The following GABBR2 variants were observed in gnomAD, a reference collection of about 807,000 sequenced individuals.
GABBR2 encodes the protein gamma-aminobutyric acid type B receptor subunit 2.
In GABBR2, 23 loss-of-function variants were observed where a neutral mutation model predicts 105.6. That is an observed-to-expected ratio of 0.22 (90% confidence interval 0.16 to 0.31). The LOEUF is 0.31. Ranked by LOEUF, GABBR2 falls within the 10% of genes least tolerant of loss-of-function variation. The probability of loss-of-function intolerance (pLI) is 1.00; values close to 1 mark genes in which losing one functional copy is unlikely to be tolerated. For synonymous variants in GABBR2, 478 were observed against 499.7 expected, an observed-to-expected ratio of 0.96 and a Z score of 0.58; for missense variants, 734 against 1,245.5, an observed-to-expected ratio of 0.59 and a Z score of 6.18.
chr9:98,696,729 A>T (rs912974697), intron 1 of GABBR2, among the ~76,000 whole-genome samples: 11 of 152,198 alleles, frequency 7.2e-5, no homozygotes, highest in Non-Finnish European at 1.5e-5. Context: ...CAGGAGACAC[A>T]CTCAGACATA....
At chr9:98,545,886 C>T (rs186911000) in intron 2 of GABBR2, among the ~76,000 whole-genome samples, 17 of 152,266 alleles carry the variant, frequency 1.1e-4, no homozygotes, top group Admixed American at 1.1e-3. Context: ...ATCACCAGGG[C>T]TGTTAGCATT....
chr9:98,566,411 C>T (rs926416724), intron 2 of GABBR2, among the ~76,000 whole-genome samples: 5 of 152,110 alleles, frequency 3.3e-5, no homozygotes, highest in Admixed American at 3.3e-4. Flanking sequence ...TGCAGTGGCC[C>T]ACACCTGTAA....
At chr9:98,605,364 G>A (rs1253200082) in intron 1 of GABBR2, among the ~76,000 whole-genome samples, 1 of 152,234 alleles carries the variant, frequency 6.6e-6, no homozygotes, top group Non-Finnish European at 1.5e-5. Context: ...CCATTCCCCA[G>A]GACGGTACTG....
chr9:98,571,341 C>A (rs981798075), intron 2 of GABBR2, among the ~76,000 whole-genome samples: 2 of 152,134 alleles, frequency 1.3e-5, no homozygotes, highest in African/African-American at 4.8e-5. Flanking sequence ...TGGCAGCATC[C>A]CCCTGTGACC....
At chr9:98,410,500 A>T (rs530249740) in intron 7 of GABBR2, among the ~76,000 whole-genome samples, 107 of 143,440 alleles carry the variant, frequency 7.5e-4, no homozygotes, top group Middle Eastern at 3.6e-3. Flanking sequence ...TGCATGAGGG[A>T]AAAGCTTTTT....
chr9:98,686,354 C>G (rs1278104711), intron 1 of GABBR2, among the ~76,000 whole-genome samples: 1 of 151,416 alleles, frequency 6.6e-6, no homozygotes, highest in Non-Finnish European at 1.5e-5. Context: ...ACTGGGGTCT[C>G]TTTTCCTCTA....
intron 1 of GABBR2, among the ~76,000 whole-genome samples, chr9:98,601,737 G>A (rs1829340076): frequency 6.6e-6 from 1 of 152,184 alleles, no homozygotes; most frequent in Non-Finnish European, 1.5e-5. Flanking sequence ...TTGAAGCTCT[G>A]TTAAGGCCAG....
At chr9:98,683,869 G>A (rs2095080) in intron 1 of GABBR2, among the ~76,000 whole-genome samples, 139,844 of 151,434 alleles carry the variant, frequency 0.92, 64,727 homozygotes, top group Middle Eastern at 0.97. Context: ...TTAGCCGGGC[G>A]TGGTGGCGGG....
Position 98,693,803 on chromosome 9 carries a change from T to C in GABBR2, c.321+14614A>G, listed in dbSNP as rs537413173. Among the ~76,000 whole-genome samples, 5 of 152,384 alleles carry C rather than the reference T, an allele frequency of 3.3e-5. No homozygotes were observed. The East Asian group carries it at 9.6e-4, about 29-fold the overall frequency. On this transcript the variant is annotated intron_variant, in intron 1 of 18. Transcript: ENST00000259455. ...ACATAGTAGGGATTCAATAAGGACC[T>C]GTCCCTGTCATTTTGTTTTCTCCAT...
chr9:98,686,837 T>C (rs762203474), intron 1 of GABBR2, among the ~76,000 whole-genome samples: 1 of 152,110 alleles, frequency 6.6e-6, no homozygotes, highest in Non-Finnish European at 1.5e-5. Context: ...GCTTCCTCCC[T>C]GTCACCCCCA....
intron 1 of GABBR2, among the ~76,000 whole-genome samples, chr9:98,653,081 C>T (rs1830132015): frequency 6.6e-6 from 1 of 152,238 alleles, no homozygotes; most frequent in South Asian, 2.1e-4. Context: ...ACTGCAGCCT[C>T]GAACTCCTGG....
At chr9:98,540,688 C>A (rs912655387) in intron 3 of GABBR2, among the ~76,000 whole-genome samples, 1 of 152,232 alleles carries the variant, frequency 6.6e-6, no homozygotes, top group Non-Finnish European at 1.5e-5. Context: ...ACATGGAAAT[C>A]CTCCACACGG....
chr9:98,478,936 T>C (rs1465304984), intron 5 of GABBR2, among the ~76,000 whole-genome samples: 2 of 152,188 alleles, frequency 1.3e-5, no homozygotes, highest in Non-Finnish European at 2.9e-5. Context: ...GCCCTGGGGA[T>C]ACTGGAGAGG....
chr9:98,435,916 C>A (rs1004102552), intron 7 of GABBR2, among the ~76,000 whole-genome samples: 1 of 152,018 alleles, frequency 6.6e-6, no homozygotes, highest in African/African-American at 2.4e-5. Context: ...ATGGGCACCC[C>A]TGTAACTTTC....
chr9:98,558,389 G>A (rs144694230), intron 2 of GABBR2, among the ~76,000 whole-genome samples: 1 of 152,338 alleles, frequency 6.6e-6, no homozygotes, highest in Non-Finnish European at 1.5e-5. Flanking sequence ...TGAAGAATGA[G>A]CATTTAGTGA....
At chr9:98,519,328 G>T (rs1224895805) in intron 3 of GABBR2, among the ~76,000 whole-genome samples, 1 of 152,232 alleles carries the variant, frequency 6.6e-6, no homozygotes, top group African/African-American at 2.4e-5. Flanking sequence ...GGCTTGAGGA[G>T]CATCTGTGCT....
chr9:98,622,923 C>A (rs1449498409), intron 1 of GABBR2, among the ~76,000 whole-genome samples: 1 of 152,104 alleles, frequency 6.6e-6, no homozygotes, highest in Admixed American at 6.5e-5. Flanking sequence ...TTGTCCAAAC[C>A]CACAGAATGT....
chr9:98,655,464 G>A (rs1830166497), intron 1 of GABBR2, among the ~76,000 whole-genome samples: 1 of 152,158 alleles, frequency 6.6e-6, no homozygotes, highest in African/African-American at 2.4e-5. Context: ...AGATAAGAGT[G>A]GTGATGTGTG....
rs185265015 is a variant in GABBR2 at position 98,700,783 on chromosome 9, G to A, written c.321+7634C>T. ...GAAATAATATGTGTCACTTGCAAGT[G>A]AAGGTGGTTAAAAGTCCAGTGTGCC... On this transcript the variant is annotated intron_variant, in intron 1 of 18. Coordinates refer to ENST00000259455, the MANE Select transcript of GABBR2 (RefSeq NM_005458.8). 1.8e-3 allele frequency among the ~76,000 whole-genome samples: 271 copies of A among 152,324 alleles called. 1 individual carries two copies. The highest frequency in any genetic ancestry group is 2.6e-3 in the Non-Finnish European group (179 of 68,034).
Sources: gnomAD v4.1 joint callset for allele counts (sites outside exome capture counted in the v4.1 genomes callset) on GRCh38, gnomAD v4.1.1 for gene constraint, MANE v1.5 for transcripts, NCBI Gene and HGNC (gene_info 2026-07-23, HGNC 2026-07-21) for gene names.